Variants in HAUS1 observed in about 807,000 individuals in gnomAD.
HAUS1 encodes the protein HAUS augmin like complex subunit 1.
In HAUS1, 25 loss-of-function variants were observed where a neutral mutation model predicts 38.6. The observed-to-expected ratio is 0.65, with a 90% CI of 0.47 to 0.91. The LOEUF is 0.91. Among genes scored for constraint, HAUS1 ranks in the 40% least tolerant of loss-of-function variants. The pLI is 0.00. For synonymous variants in HAUS1, 109 were observed against 112.9 expected, an observed-to-expected ratio of 0.97 and a Z score of 0.22; for missense variants, 325 against 328.4, an observed-to-expected ratio of 0.99 and a Z score of 0.08.
rs1160795887 is a variant in HAUS1, at chr18:46,112,928, A to G, written c.206-5253A>G. ...TATATATAATATATATAATGTGTAT[A>G]TATTCCATATAATATATATAATATA... On this transcript the variant is annotated intron_variant, in intron 2 of 8. Transcript: ENST00000282058. 3.8e-4 allele frequency among the ~76,000 whole-genome samples: 44 copies of G among 115,452 alleles called. 3 individuals are homozygous for G. The highest frequency in any genetic ancestry group is 1.6e-3 in the African/African-American group (43 of 27,632). 75.7% of individuals were successfully genotyped at this position (115,452 alleles called of 152,430 possible).
intron 2 of HAUS1, among the ~76,000 whole-genome samples, chr18:46,112,044 C>A (rs965331139): frequency 2.7e-5 from 4 of 150,408 alleles, no homozygotes; most frequent in African/African-American, 9.7e-5. Flanking sequence ...CACCACCACA[C>A]CCGGCTAACT....
At position 46,105,592 on chromosome 18, in the gene HAUS1, G is replaced by GTATA. The variant is rs1555697187; in HGVS notation, c.205+228_205+231dup. On this transcript the variant is annotated intron_variant, in intron 2 of 8. Coordinates refer to ENST00000282058, the MANE Select transcript of HAUS1 (RefSeq NM_138443.4). Reference sequence around the variant, plus strand: ...TGTGTGTGTGTGTGTGTGTGTGTGTGTATATATTTTAGACAATCTTGCTCT... The same window carrying GTATA: ...TGTGTGTGTGTGTGTGTGTGTGTGTGTATATATATATTTTAGACAATCTTGCTCT... 5.9e-3 allele frequency among the ~76,000 whole-genome samples: 850 copies of GTATA among 144,980 alleles called. 4 individuals are homozygous for GTATA. The highest frequency in any genetic ancestry group is 0.011 in the Admixed American group (148 of 14,080).
chr18:46,110,333 GTTTTTTTTTTTTTTTTTT>G (rs71160713), intron 2 of HAUS1, among the ~76,000 whole-genome samples: 2 of 49,994 alleles, frequency 4.0e-5, no homozygotes, highest in Admixed American at 5.4e-4. Flanking sequence ...TTTTTTTAAG[GTTTTTTTTTTTTTTTTTT>G]TTTTTTTTTT....
intron 4 of HAUS1, among the ~76,000 whole-genome samples, chr18:46,121,132 AC>A (rs1356688760): frequency 5.9e-5 from 9 of 152,196 alleles, no homozygotes; most frequent in Non-Finnish European, 1.2e-4. Flanking sequence ...ACAAATGACT[AC>A]ATATGTGCAA....
chr18:46,123,152 A>G, intron 5 of HAUS1, 147 bp from the exon 6 acceptor site: 1 of 581,806 alleles, frequency 1.7e-6, no homozygotes, highest in South Asian at 2.1e-5. Context: ...CGGAGTTTGC[A>G]GAGAGCCGAG....
intron 4 of HAUS1, chr18:46,121,806 A>G (rs1305001267): frequency 6.6e-6 from 1 of 152,128 alleles, no homozygotes; most frequent in Non-Finnish European, 1.5e-5. Flanking sequence ...CCTGGGCAGC[A>G]TAGTGAGACT....
chr18:46,112,353 TA>T (rs1911664376), intron 2 of HAUS1, among the ~76,000 whole-genome samples: 1 of 124,042 alleles, frequency 8.1e-6, no homozygotes, highest in African/African-American at 3.5e-5. Flanking sequence ...ATATTATATA[TA>T]ATATATATAA....
At chr18:46,105,493 C>A (rs748964641) in intron 2 of HAUS1, 125 bp downstream of exon 2, 1 of 738,916 alleles carries the variant, frequency 1.4e-6, no homozygotes, top group Non-Finnish European at 2.2e-6. Flanking sequence ...CCCAGATTTT[C>A]TTCCACTCTG....
intron 2 of HAUS1, among the ~76,000 whole-genome samples, chr18:46,117,464 G>A (rs1314612288): frequency 1.3e-5 from 2 of 152,190 alleles, no homozygotes; most frequent in African/African-American, 4.8e-5. Context: ...CATATGAAAT[G>A]TCCCAAATAG....
chr18:46,117,330 AT>A (rs1258629675), intron 2 of HAUS1, among the ~76,000 whole-genome samples: 2 of 152,240 alleles, frequency 1.3e-5, no homozygotes, highest in East Asian at 3.8e-4. Flanking sequence ...ATATGTCCGT[AT>A]AATGGAATAT....
chr18:46,125,876 C>G (rs1004227592), intron 8 of HAUS1, 85 bp downstream of exon 8: 1 of 847,418 alleles, frequency 1.2e-6, no homozygotes, highest in Middle Eastern at 3.4e-4. Flanking sequence ...TCCTTCTTTC[C>G]TTTCTCCTCA....
At chr18:46,126,932 G>A (rs1156927836) in intron 8 of HAUS1, among the ~76,000 whole-genome samples, 2 of 151,028 alleles carry the variant, frequency 1.3e-5, no homozygotes, top group Non-Finnish European at 3.0e-5. Flanking sequence ...CCTCCCTGGT[G>A]CAAGTGATTC....
chr18:46,108,878 T>C (rs1028033597), intron 2 of HAUS1, among the ~76,000 whole-genome samples: 3 of 152,044 alleles, frequency 2.0e-5, no homozygotes, highest in Non-Finnish European at 4.4e-5. Context: ...AAGACCATCC[T>C]GGCTAACACG....
At chr18:46,113,164 C>T (rs1430806295) in intron 2 of HAUS1, among the ~76,000 whole-genome samples, 1 of 149,382 alleles carries the variant, frequency 6.7e-6, no homozygotes, top group African/African-American at 2.5e-5. Context: ...GCAGCCTTCA[C>T]CTTCTGGGTC....
At chr18:46,116,382 C>T (rs757310142) in intron 2 of HAUS1, among the ~76,000 whole-genome samples, 4 of 151,402 alleles carry the variant, frequency 2.6e-5, no homozygotes, top group African/African-American at 7.3e-5. Flanking sequence ...GGCAACATGG[C>T]GAAACTACAT....
chr18:46,127,128 G>A (rs187058346), intron 8 of HAUS1, among the ~76,000 whole-genome samples: 70 of 150,698 alleles, frequency 4.6e-4, no homozygotes, highest in Non-Finnish European at 8.4e-4. Flanking sequence ...GCCACCGTGC[G>A]CGGCCAAATT....
chr18:46,122,349 C>T (rs926372509), intron 4 of HAUS1, 118 bp from the exon 5 acceptor site: 1 of 949,974 alleles, frequency 1.1e-6, no homozygotes, highest in Non-Finnish European at 1.6e-6. Context: ...GGGAAGATGA[C>T]CTGGTTACCA....
At chr18:46,108,863 C>A (rs866951182) in intron 2 of HAUS1, among the ~76,000 whole-genome samples, 27 of 151,876 alleles carry the variant, frequency 1.8e-4, no homozygotes, top group East Asian at 9.7e-4. Flanking sequence ...CAAGGTCAGG[C>A]GATCAAGACC....
At chr18:46,124,734 C>T (rs1693614126) in intron 6 of HAUS1, 88 bp from the exon 7 acceptor site, 3 of 708,668 alleles carry the variant, frequency 4.2e-6, no homozygotes, top group Admixed American at 2.5e-5. Flanking sequence ...AATGTTAATG[C>T]TTTGTTGTGT....
Sources: gnomAD v4.1 joint callset for allele counts (sites outside exome capture counted in the v4.1 genomes callset) on GRCh38, gnomAD v4.1.1 for gene constraint, MANE v1.5 for transcripts, NCBI Gene and HGNC (gene_info 2026-07-23, HGNC 2026-07-21) for gene names.